QRICH1: variants seen among roughly 807,000 people sequenced by gnomAD.
The protein encoded by QRICH1 is glutamine rich 1, also known as transcriptional regulator QRICH1.
QRICH1 carries 16 observed loss-of-function variants against 87.1 expected under a neutral mutation model. That is an observed-to-expected ratio of 0.18 (90% CI 0.12 to 0.28). The LOEUF is 0.28. QRICH1 is among the 10% of genes least tolerant of loss of function. QRICH1 has a pLI of 1.00. For missense variants in QRICH1, 647 were observed against 951.7 expected (o/e 0.68, Z 4.21); for synonymous variants, 367 against 368.4 (o/e 1.00, Z 0.05).
At chr3:49,062,511 T>TC (rs1010495326) in intron 2 of QRICH1, among the ~76,000 whole-genome samples, 19 of 150,432 alleles carry the variant, frequency 1.3e-4, no homozygotes, top group African/African-American at 3.9e-4. Flanking sequence ...CAGGCACGCA[T>TC]CACCATGCCC....
Position 49,033,211 on chromosome 3 carries a change from G to T in QRICH1, c.1804C>A (p.His602Asn). Residue 602 changes from histidine (H) to asparagine (N), a missense_variant, in exon 7 of 10, where the codon CAC (histidine) becomes AAC (asparagine). His to Asn is a moderately conservative substitution (Grantham distance 68, BLOSUM62 1). Transcript: ENST00000395443. Reference sequence around the variant, plus strand: ...TCCCATAGCATCTCCTCAGTCACGTGGCTGGGCAAGACATAGCCTAGGAGG... The same window carrying T: ...TCCCATAGCATCTCCTCAGTCACGTTGCTGGGCAAGACATAGCCTAGGAGG... ...VTPLGYVLPSHVTEEMLWECK... is the reference protein window; with the variant it reads ...VTPLGYVLPSNVTEEMLWECK... 6.4e-7 allele frequency: 1 copy of T among 1,572,526 alleles called. No homozygotes were observed. Among genetic ancestry groups the T allele is most frequent in the Non-Finnish European group, 8.6e-7 (1 of 1,161,436 alleles).
intron 1 of QRICH1, chr3:49,092,462 GAAGA>G (rs1284911584): frequency 6.6e-6 from 1 of 151,944 alleles, no homozygotes; most frequent in Non-Finnish European, 1.5e-5. Flanking sequence ...ATATTCTGAA[GAAGA>G]TAGAACAAAA....
intron 3 of QRICH1, among the ~76,000 whole-genome samples, chr3:49,050,942 C>G (rs2093366913): frequency 6.6e-6 from 1 of 152,162 alleles, no homozygotes; most frequent in Non-Finnish European, 1.5e-5. Flanking sequence ...ACTTTCTTAG[C>G]TCAGGGAGCA....
intron 1 of QRICH1, among the ~76,000 whole-genome samples, chr3:49,084,847 C>T (rs1165486008): frequency 6.6e-6 from 1 of 152,172 alleles, no homozygotes; most frequent in Admixed American, 6.6e-5. Flanking sequence ...GTTAAACACT[C>T]TTCTGAATTT....
intron 1 of QRICH1, among the ~76,000 whole-genome samples, chr3:49,077,993 T>C (rs1165201775): frequency 6.6e-6 from 1 of 152,166 alleles, no homozygotes; most frequent in Non-Finnish European, 1.5e-5. Context: ...AAGTGTGCAA[T>C]CTGTGGACTG....
At chr3:49,036,428 T>G (rs1343845515) in intron 6 of QRICH1, among the ~76,000 whole-genome samples, 8 of 152,130 alleles carry the variant, frequency 5.3e-5, no homozygotes. Flanking sequence ...ACTGAAACAT[T>G]CTGTGAAATC....
At chr3:49,052,175 TA>T (rs1361698867) in intron 3 of QRICH1, among the ~76,000 whole-genome samples, 1 of 152,084 alleles carries the variant, frequency 6.6e-6, no homozygotes, top group Non-Finnish European at 1.5e-5. Flanking sequence ...GGTGTGATGG[TA>T]GAACCAACAT....
chr3:49,079,069 CA>C (rs1373888322), intron 1 of QRICH1, among the ~76,000 whole-genome samples: 12 of 151,366 alleles, frequency 7.9e-5, no homozygotes, highest in African/African-American at 2.7e-4. Flanking sequence ...CCCATCTCTA[CA>C]AAAAATATAT....
Position 49,081,761 on chromosome 3 carries a change from A to G in QRICH1, c.-21-4723T>C, listed in dbSNP as rs563568084. ...AGAGATCTGCCCACCTCGGCCTCCC[A>G]AACTGCTGGGATTACAGGCGTGAGC... On this transcript the variant is annotated intron_variant, in intron 1 of 9. Coordinates refer to ENST00000395443, the MANE Select transcript of QRICH1 (RefSeq NM_198880.3). Among the ~76,000 whole-genome samples, 11 of 151,888 alleles carry G rather than the reference A, an allele frequency of 7.2e-5. No homozygotes were observed. The East Asian group carries it at 2.1e-3, about 29-fold the overall frequency.
chr3:49,050,929 A>C (rs2093366871), intron 3 of QRICH1, among the ~76,000 whole-genome samples: 1 of 152,076 alleles, frequency 6.6e-6, no homozygotes, highest in Non-Finnish European at 1.5e-5. Flanking sequence ...CTAGTCAATA[A>C]GTACTTTCTT....
intron 3 of QRICH1, among the ~76,000 whole-genome samples, chr3:49,055,246 T>G (rs2093394467): frequency 6.6e-6 from 1 of 152,128 alleles, no homozygotes; most frequent in African/African-American, 2.4e-5. Flanking sequence ...CCAAGTGCAG[T>G]CCCTTATCTA....
chr3:49,081,552 G>C (rs1015057149), intron 1 of QRICH1, among the ~76,000 whole-genome samples: 5 of 152,188 alleles, frequency 3.3e-5, no homozygotes, highest in African/African-American at 1.2e-4. Context: ...CCAGGATGGA[G>C]TGCAGTGGTA....
chr3:49,090,039 GCGCAGTGGCTCA>G (rs1335281171), intron 1 of QRICH1, among the ~76,000 whole-genome samples: 1 of 152,204 alleles, frequency 6.6e-6, no homozygotes, highest in Non-Finnish European at 1.5e-5. Flanking sequence ...ACATGGGCGG[GCGCAGTGGCTCA>G]CGCCTGTAAT....
intron 2 of QRICH1, among the ~76,000 whole-genome samples, chr3:49,069,083 T>TTTA (rs201912574): frequency 4.0e-4 from 56 of 139,394 alleles, no homozygotes; most frequent in Non-Finnish European, 5.6e-4. Context: ...AAGTAGAAAA[T>TTTA]TTATTATTAT....
intron 1 of QRICH1, 72 bp downstream of exon 1, chr3:49,093,840 C>CGG: frequency 2.8e-6 from 1 of 361,818 alleles, no homozygotes; most frequent in Non-Finnish European, 4.9e-6. Flanking sequence ...CCCCGCCCGC[C>CGG]GTTGTGTGGG....
At position 49,094,027 on chromosome 3, in the gene QRICH1, C is replaced by T. The variant is rs2042334051; in HGVS notation, c.-137G>A. 2.5e-6 allele frequency: 1 copy of T among 398,814 alleles called. No homozygotes were observed. The highest frequency in any genetic ancestry group is 3.6e-5 in the East Asian group (1 of 28,072). 24.7% of individuals were successfully genotyped at this position (398,814 alleles called of 1,614,324 possible). On this transcript the variant is annotated 5_prime_UTR_variant, in exon 1 of 10. An upstream open reading frame in the 5' UTR loses its in-frame stop. Transcript: ENST00000395443. ...TCCAAGACCGACAGGGTTTTCTCCT[C>T]ACAGCTCCCTGGGCGCCATCTTACA...
chr3:49,030,405 G>C lies in QRICH1; in HGVS notation c.*47C>G. The stretch of plus-strand genomic sequence containing the variant: ...GGCCTCTTCTTTAGTGTGAAAGTCT[G>C]TCTGGTTTTTCCTGGCTGGTTTCTC... On this transcript the variant is annotated 3_prime_UTR_variant, in exon 10 of 10. Coordinates refer to ENST00000395443, the MANE Select transcript of QRICH1 (RefSeq NM_198880.3). 6.4e-7 allele frequency: 1 copy of C among 1,570,348 alleles called. No individual in the cohort carries two copies. The highest frequency in any genetic ancestry group is 8.7e-7 in the Non-Finnish European group (1 of 1,149,088).
chr3:49,090,658 A>G (rs1422680241), intron 1 of QRICH1, among the ~76,000 whole-genome samples: 1 of 151,834 alleles, frequency 6.6e-6, no homozygotes, highest in Non-Finnish European at 1.5e-5. Context: ...AAAAGAGAAA[A>G]AGAGAAAAAT....
intron 1 of QRICH1, among the ~76,000 whole-genome samples, chr3:49,084,411 A>G (rs1420248636): frequency 6.6e-6 from 1 of 150,594 alleles, no homozygotes; most frequent in East Asian, 2.0e-4. Context: ...ACCCGCCACC[A>G]TGCCCAGCTA....
Sources: gnomAD v4.1 joint callset for allele counts (sites outside exome capture counted in the v4.1 genomes callset) on GRCh38, gnomAD v4.1.1 for gene constraint, MANE v1.5 for transcripts, NCBI Gene and HGNC (gene_info 2026-07-23, HGNC 2026-07-21) for gene names.